PLPPR1: variants seen among roughly 807,000 people sequenced by gnomAD.
PLPPR1 encodes the protein phospholipid phosphatase-related protein type 1.
A neutral mutation model predicts 33.1 loss-of-function variants in PLPPR1; 10 were observed. The ratio of observed to expected loss-of-function variants is 0.30; its 90% CI spans 0.19 to 0.51. PLPPR1 has a LOEUF of 0.51. Among genes scored for constraint, PLPPR1 ranks in the 20% least tolerant of loss-of-function variants. The pLI is 0.97. For synonymous variants in PLPPR1, 151 were observed against 151.0 expected (o/e 1.00, Z 0.00); for missense variants, 304 against 408.1 (o/e 0.74, Z 2.20).
At chr9:101,150,305 CTTCTT>C (rs528133886) in intron 1 of PLPPR1, among the ~76,000 whole-genome samples, 79 of 151,996 alleles carry the variant, frequency 5.2e-4, no homozygotes, top group African/African-American at 1.7e-3. Context: ...TCCAATTTTT[CTTCTT>C]TTCTTCTTTA....
intron 2 of PLPPR1, among the ~76,000 whole-genome samples, chr9:101,229,899 C>T (rs934515671): frequency 1.7e-4 from 26 of 152,166 alleles, no homozygotes; most frequent in African/African-American, 4.6e-4. Context: ...CAAACGTGCA[C>T]TTCCTCTTGT....
At chr9:101,197,424 T>C (rs1192037226) in intron 2 of PLPPR1, among the ~76,000 whole-genome samples, 1 of 152,204 alleles carries the variant, frequency 6.6e-6, no homozygotes, top group Admixed American at 6.5e-5. Flanking sequence ...TTTCCTACTA[T>C]CATTTTTTCT....
chr9:101,268,299 G>T (rs577035180), intron 2 of PLPPR1, among the ~76,000 whole-genome samples: 2 of 150,410 alleles, frequency 1.3e-5, no homozygotes, highest in African/African-American at 2.4e-5. Flanking sequence ...AAAGAAAAAA[G>T]AAAATGATGC....
At chr9:101,078,985 A>G (rs1465975864) in intron 1 of PLPPR1, among the ~76,000 whole-genome samples, 1 of 152,188 alleles carries the variant, frequency 6.6e-6, no homozygotes, top group Non-Finnish European at 1.5e-5. Context: ...TGTTTTATTT[A>G]AAAATAGTGT....
chr9:101,255,740 A>G (rs548039215), intron 2 of PLPPR1, among the ~76,000 whole-genome samples: 7 of 152,310 alleles, frequency 4.6e-5, no homozygotes, highest in East Asian at 3.9e-4. Flanking sequence ...TAGGGGCAAG[A>G]AAACAACATG....
At chr9:101,066,519 T>C (rs1448373469) in intron 1 of PLPPR1, among the ~76,000 whole-genome samples, 3 of 152,002 alleles carry the variant, frequency 2.0e-5, no homozygotes, top group African/African-American at 7.2e-5. Context: ...AGGAGATTCA[T>C]TTCTTCTCCC....
At chr9:101,046,800 T>C (rs1830156327) in intron 1 of PLPPR1, among the ~76,000 whole-genome samples, 1 of 152,224 alleles carries the variant, frequency 6.6e-6, no homozygotes, top group Non-Finnish European at 1.5e-5. Flanking sequence ...CAGTGTTTTC[T>C]CAACTCTTAT....
intron 1 of PLPPR1, among the ~76,000 whole-genome samples, chr9:101,180,191 TACACATACAC>T (rs1826085425): frequency 1.5e-5 from 2 of 135,054 alleles, no homozygotes; most frequent in Non-Finnish European, 3.3e-5. Context: ...CACACATATA[TACACATACAC>T]ACACATATAT....
chr9:101,307,670 G>A (rs532141715), intron 4 of PLPPR1, among the ~76,000 whole-genome samples: 1 of 152,272 alleles, frequency 6.6e-6, no homozygotes, highest in East Asian at 1.9e-4. Context: ...ACCAGACGAA[G>A]GTTTCAGCCA....
At chr9:101,314,140 A>G (rs1829010497) in intron 6 of PLPPR1, among the ~76,000 whole-genome samples, 1 of 152,144 alleles carries the variant, frequency 6.6e-6, no homozygotes. Context: ...ATCCCCTAAC[A>G]ATGTTCAGGA....
chr9:101,272,070 CTTAT>C (rs1174811552), intron 3 of PLPPR1, among the ~76,000 whole-genome samples: 1 of 151,944 alleles, frequency 6.6e-6, no homozygotes, highest in African/African-American at 2.4e-5. Flanking sequence ...AAACTTAAGA[CTTAT>C]TTAAGTTGTA....
intron 1 of PLPPR1, among the ~76,000 whole-genome samples, chr9:101,111,063 A>G (rs987383406): frequency 3.9e-5 from 6 of 152,148 alleles, no homozygotes; most frequent in East Asian, 1.9e-4. Flanking sequence ...TTAATCATAT[A>G]TTAGATGATG....
At chr9:101,056,408 G>T (rs1254046519) in intron 1 of PLPPR1, among the ~76,000 whole-genome samples, 1 of 152,106 alleles carries the variant, frequency 6.6e-6, no homozygotes, top group African/African-American at 2.4e-5. Flanking sequence ...AATCCTGAGA[G>T]AATTTGTTTA....
At chr9:101,029,797 C>G (rs1318405220) in intron 1 of PLPPR1, among the ~76,000 whole-genome samples, 3 of 152,170 alleles carry the variant, frequency 2.0e-5, no homozygotes, top group East Asian at 3.9e-4. Context: ...TAGGATCTCT[C>G]CTCCTCAGGG....
intron 4 of PLPPR1, among the ~76,000 whole-genome samples, chr9:101,296,462 G>T (rs1828641171): frequency 6.6e-6 from 1 of 151,644 alleles, no homozygotes; most frequent in Non-Finnish European, 1.5e-5. Flanking sequence ...TATACCCAAA[G>T]GACTATAAAT....
chr9:101,300,325 C>T (rs769386897), intron 4 of PLPPR1, among the ~76,000 whole-genome samples: 10 of 152,076 alleles, frequency 6.6e-5, no homozygotes, highest in Non-Finnish European at 1.0e-4. Flanking sequence ...AGGCACACAC[C>T]ACCACACCCA....
intron 1 of PLPPR1, among the ~76,000 whole-genome samples, chr9:101,151,968 G>A (rs542985580): frequency 1.6e-4 from 24 of 152,212 alleles, no homozygotes; most frequent in African/African-American, 4.6e-4. Flanking sequence ...TTGAGGAATC[G>A]CCACACTGTC....
chr9:101,242,070 T>C (rs1054022646), intron 2 of PLPPR1, among the ~76,000 whole-genome samples: 3 of 152,032 alleles, frequency 2.0e-5, no homozygotes, highest in African/African-American at 7.2e-5. Flanking sequence ...TCAGAAGTCA[T>C]TGGCAGTTGA....
At chr9:101,168,455 C>T (rs187601498) in intron 1 of PLPPR1, among the ~76,000 whole-genome samples, 92 of 152,272 alleles carry the variant, frequency 6.0e-4, no homozygotes, top group Non-Finnish European at 1.0e-3. Context: ...TGGGCCTCTT[C>T]ATAACTAACC....
Sources: allele counts gnomAD v4.1 joint callset (sites outside exome capture counted in the v4.1 genomes callset), GRCh38; gene constraint gnomAD v4.1.1; transcripts MANE v1.5; gene names NCBI Gene and HGNC (gene_info 2026-07-23, HGNC 2026-07-21).